Variants in ABCC2 observed in about 807,000 individuals in gnomAD.
The protein encoded by ABCC2 is ATP binding cassette subfamily C member 2.
Under a neutral mutation model 173.4 loss-of-function variants are expected in ABCC2, and 157 were observed. The observed-to-expected ratio is 0.91, with a 90% CI of 0.80 to 1.03. ABCC2 has a LOEUF of 1.03. ABCC2 is among the 50% of genes least tolerant of loss of function. The pLI is 0.00. For missense variants in ABCC2, 1,822 were observed against 1,852.3 expected, an observed-to-expected ratio of 0.98 and a Z score of 0.30; for synonymous variants, 657 against 693.5, an observed-to-expected ratio of 0.95 and a Z score of 0.83.
Position 99,817,406 on chromosome 10 carries a change from G to A in ABCC2, c.2193G>A (p.Gln731=). 6.2e-7 allele frequency: 1 copy of A among 1,614,180 alleles called. No individual in the cohort carries two copies. Among genetic ancestry groups the A allele is most frequent in the Non-Finnish European group, 8.5e-7 (1 of 1,180,038 alleles). ...CAGAGTTTAATGAAAAGAGGTACCAGCAAGTACTGGAGGCCTGTGCTCTCC... is the reference window on the plus strand; with the variant it reads ...CAGAGTTTAATGAAAAGAGGTACCAACAAGTACTGGAGGCCTGTGCTCTCC... The part of the protein sequence containing the change: ...FGTEFNEKRY[Q]QVLEACALLP... The change falls in exon 17 of 32, where the codon CAG becomes CAA. Residue 731 remains glutamine (Q), a synonymous_variant. Transcript: ENST00000647814.
At chr10:99,847,206 TGATGCCTGGCA>T in intron 30 of ABCC2, 79 bp downstream of exon 30, 1 of 1,511,954 alleles carries the variant, frequency 6.6e-7, no homozygotes, top group Non-Finnish European at 9.2e-7. Context: ...TCGTGTTAGG[TGATGCCTGGCA>T]TAGAATTTTC....
At position 99,793,685 on chromosome 10, in the gene ABCC2, G is replaced by A; in HGVS notation, c.468G>A (p.Gln156=). ...AGACTCTGATCCGGACACTCTTACA[G>A]GTAAGGAAAAAAAGAGTGGATGACA... The part of the protein sequence containing the change: ...QFQTLIRTLL[Q]GDNSNLAYSC... The change falls in exon 4 of 32, where the codon CAG becomes CAA. Residue 156 remains glutamine (Q), a splice_region_variant and synonymous_variant. Transcript: ENST00000647814. The A allele has an allele frequency of 1.9e-6, 3 of 1,613,978 alleles. No homozygotes were observed. Among genetic ancestry groups the A allele is most frequent in the Non-Finnish European group, 2.5e-6 (3 of 1,179,986 alleles).
chr10:99,814,392 TG>T lies in ABCC2; in HGVS notation c.2094+1251del, dbSNP rs1178880328. Among the ~76,000 whole-genome samples the T allele has an allele frequency of 6.4e-5, 9 of 141,298 alleles. 1 individual carries two copies. Among genetic ancestry groups the T allele is most frequent in the Admixed American group, 6.2e-4 (9 of 14,548 alleles). The allele number at this position is 141,298 out of a possible 152,430, so 92.7% of individuals were successfully genotyped here. On this transcript the variant is annotated intron_variant, in intron 16 of 31. Coordinates refer to ENST00000647814, the MANE Select transcript of ABCC2 (RefSeq NM_000392.5). ...GTATATATACACATATATACATATA[TG>T]GGTATATATACACACGTGTATATAT... is the stretch of plus-strand genomic sequence containing the variant.
rs1355245877 is a variant in ABCC2 at position 99,808,151 on chromosome 10, C to T, written c.1737C>T (p.Ala579=). Residue 579 remains alanine (A), a synonymous_variant, in exon 13 of 32, where the codon GCC becomes GCT. Coordinates refer to ENST00000647814, the MANE Select transcript of ABCC2 (RefSeq NM_000392.5). Reference sequence around the variant, plus strand: ...ACAATATTTTGGATGCACAAAAGGCCTTCACCTCCATTACCCTCTTCAATA... The same window carrying T: ...ACAATATTTTGGATGCACAAAAGGCTTTCACCTCCATTACCCTCTTCAATA... The part of the protein sequence containing the change: ...DSNNILDAQK[A]FTSITLFNIL... 1.2e-6 allele frequency: 2 copies of T among 1,613,804 alleles called. No individual in the cohort carries two copies. Among genetic ancestry groups the T allele is most frequent in the African/African-American group, 2.7e-5 (2 of 74,876 alleles).
intron 9 of ABCC2, among the ~76,000 whole-genome samples, chr10:99,801,384 G>C (rs933972687): frequency 1.3e-5 from 2 of 151,970 alleles, no homozygotes; most frequent in Admixed American, 1.3e-4. Flanking sequence ...CTACAGGCAC[G>C]TGCCACCACG....
intron 23 of ABCC2, 46 bp from the exon 24 acceptor site, chr10:99,834,334 T>C: frequency 6.3e-7 from 1 of 1,599,582 alleles, no homozygotes; most frequent in South Asian, 1.1e-5. Flanking sequence ...TAAACTATCT[T>C]AGGAAGACCT....
At chr10:99,819,312 G>C in intron 19 of ABCC2, 43 bp downstream of exon 19, 4 of 1,578,286 alleles carry the variant, frequency 2.5e-6, no homozygotes, top group African/African-American at 1.3e-5. Flanking sequence ...TGGGCCATGG[G>C]TGGAATGGTA....
intron 2 of ABCC2, among the ~76,000 whole-genome samples, chr10:99,790,146 T>A (rs1243483346): frequency 6.6e-6 from 1 of 152,232 alleles, no homozygotes; most frequent in Non-Finnish European, 1.5e-5. Flanking sequence ...TAAGGATATG[T>A]GAACTCAGAA....
intron 29 of ABCC2, 32 bp downstream of exon 29, chr10:99,845,814 G>T (rs1272821671): frequency 6.3e-7 from 1 of 1,589,920 alleles, no homozygotes. Context: ...GGCACATGCC[G>T]TGGGGAGCAG....
At chr10:99,838,146 C>CG (rs2038858176) in intron 25 of ABCC2, among the ~76,000 whole-genome samples, 3 of 80,222 alleles carry the variant, frequency 3.7e-5, no homozygotes, top group Non-Finnish European at 8.0e-5. Context: ...GCTGGCCGGG[C>CG]GGGGGGCTGA....
chr10:99,814,408 C>T (rs62648455), intron 16 of ABCC2, among the ~76,000 whole-genome samples: 2,948 of 139,330 alleles, frequency 0.021, 101 homozygotes, highest in Non-Finnish European at 0.034. Flanking sequence ...TATATACACA[C>T]GTGTATATAT....
In ABCC2 at chr10:99,798,783, T is replaced by C. The variant is rs553858266; in HGVS notation, c.868-424T>C. Among the ~76,000 whole-genome samples, 3 of 152,174 alleles carry C rather than the reference T, an allele frequency of 2.0e-5. No homozygotes were observed. The South Asian group carries it at 6.2e-4, about 32-fold the overall frequency. ...CGAAATAAGGCACATTTTAAGGTAT[T>C]GGGGGTTAGGGCTTCAACATAGCTT... On this transcript the variant is annotated intron_variant, in intron 7 of 31. Coordinates refer to ENST00000647814, the MANE Select transcript of ABCC2 (RefSeq NM_000392.5).
In ABCC2 at chr10:99,818,807, G is replaced by A. The variant is rs773838543; in HGVS notation, c.2289G>A (p.Gly763=). Residue 763 remains glycine, a synonymous_variant, in exon 18 of 32, where the codon GGG becomes GGA. Coordinates refer to ENST00000647814, the MANE Select transcript of ABCC2 (RefSeq NM_000392.5). The part of the protein sequence containing the change: ...EIGEKGINLS[G]GQKQRISLAR... ...TTCTTCAGGGTATAAATCTTAGTGG[G>A]GGTCAGAAGCAGCGGATCAGCCTGG... The A allele has an allele frequency of 4.3e-6, 7 of 1,613,938 alleles. No individual in the cohort carries two copies. The highest frequency in any genetic ancestry group is 5.9e-6 in the Non-Finnish European group (7 of 1,180,008).
At chr10:99,850,285 GT>G (rs2039070418) in intron 30 of ABCC2, among the ~76,000 whole-genome samples, 1 of 152,170 alleles carries the variant, frequency 6.6e-6, no homozygotes, top group East Asian at 1.9e-4. Flanking sequence ...ATCCAAACTT[GT>G]TTAAGCATAA....
At chr10:99,821,040 A>G (rs1231702871) in intron 19 of ABCC2, among the ~76,000 whole-genome samples, 3 of 152,168 alleles carry the variant, frequency 2.0e-5, no homozygotes, top group Non-Finnish European at 4.4e-5. Flanking sequence ...TCACAAGACA[A>G]TTGTGGGGAG....
rs201387148 is a variant in ABCC2, at chr10:99,818,863, A to G, written c.2345A>G (p.Tyr782Cys). ...ARATYQNLDIYLLDDPLSAVD... is the reference protein window; with the variant it reads ...ARATYQNLDICLLDDPLSAVD... ...GCTACCTACCAAAATTTAGACATCT[A>G]TCTTCTAGATGACCCCCTGTCTGCA... Residue 782 changes from tyrosine (Y) to cysteine (C), a missense_variant, in exon 18 of 32, where the codon TAT becomes TGT. Physicochemically the swap from Tyr to Cys is radical, Grantham distance 194. Coordinates refer to ENST00000647814, the MANE Select transcript of ABCC2 (RefSeq NM_000392.5). 12 of 1,614,222 alleles carry G rather than the reference A, an allele frequency of 7.4e-6. No individual in the cohort carries two copies. In the Admixed American group the frequency reaches 1.3e-4, roughly 18 times the overall value.
In ABCC2 at chr10:99,819,199, C is replaced by CA. The variant is rs1393497113; in HGVS notation, c.2556dup (p.Gly853ArgfsTer5). The CA allele has an allele frequency of 6.2e-7, 1 of 1,613,724 alleles. No homozygotes were observed. The highest frequency in any genetic ancestry group is 8.5e-7 in the Non-Finnish European group (1 of 1,179,900). On this transcript the variant is annotated frameshift_variant, in exon 19 of 32. Transcript: ENST00000647814. LOFTEE classifies it high-confidence loss of function. ...AAGGATCCTACAGTGCTCTCCTGGC[C>CA]AAAAAAGGAGAGTTTGCTAAGAATC... is the stretch of plus-strand genomic sequence containing the variant.
intron 19 of ABCC2, among the ~76,000 whole-genome samples, chr10:99,825,727 C>A (rs1034308434): frequency 6.6e-6 from 1 of 152,268 alleles, no homozygotes; most frequent in Non-Finnish European, 1.5e-5. Flanking sequence ...GTCCTACAGT[C>A]CTCTCAGGCA....
At chr10:99,827,559 G>GC (rs2038665842) in intron 19 of ABCC2, among the ~76,000 whole-genome samples, 2 of 151,838 alleles carry the variant, frequency 1.3e-5, no homozygotes, top group Non-Finnish European at 2.9e-5. Context: ...TTTAATAATG[G>GC]CCCAATCATT....
Sources: gnomAD v4.1 joint callset for allele counts (sites outside exome capture counted in the v4.1 genomes callset) on GRCh38, gnomAD v4.1.1 for gene constraint, MANE v1.5 for transcripts, NCBI Gene and HGNC (gene_info 2026-07-23, HGNC 2026-07-21) for gene names.